The following CD226 variants were observed in gnomAD, a reference collection of about 807,000 sequenced individuals.
CD226 encodes the protein CD226 molecule.
Under a neutral mutation model 34.9 loss-of-function variants are expected in CD226, and 24 were observed. The ratio of observed to expected loss-of-function variants is 0.69; its 90% confidence interval spans 0.50 to 0.97. CD226 has a LOEUF of 0.97. Among genes scored for constraint, CD226 ranks in the 50% least tolerant of loss-of-function variants. CD226 has a pLI of 0.00. For synonymous variants in CD226, 148 were observed against 147.4 expected, an observed-to-expected ratio of 1.00 and a Z score of -0.03; for missense variants, 397 against 412.7, an observed-to-expected ratio of 0.96 and a Z score of 0.33.
chr18:69,906,116 G>A (rs2055249770), intron 2 of CD226, among the ~76,000 whole-genome samples: 1 of 152,052 alleles, frequency 6.6e-6, no homozygotes. Flanking sequence ...GAACAAATAA[G>A]TACCATTTGT....
chr18:69,957,460 T>C (rs1323220445), upstream of CD226, among the ~76,000 whole-genome samples: 1 of 151,984 alleles, frequency 6.6e-6, no homozygotes, highest in African/African-American at 2.4e-5. Flanking sequence ...AAACACTAGG[T>C]TTTTTGCTGC....
At chr18:69,881,146 C>G (rs1052823846) in intron 3 of CD226, among the ~76,000 whole-genome samples, 2 of 152,274 alleles carry the variant, frequency 1.3e-5, no homozygotes, top group East Asian at 3.9e-4. Context: ...CCAAAATATG[C>G]ACAAATATTA....
intron 2 of CD226, among the ~76,000 whole-genome samples, chr18:69,919,110 G>A (rs1305632966): frequency 1.3e-5 from 2 of 152,332 alleles, no homozygotes; most frequent in African/African-American, 2.4e-5. Context: ...ATGGCAAACT[G>A]AGAAAAAGGT....
At chr18:69,894,068 A>C (rs1985061819) in intron 3 of CD226, among the ~76,000 whole-genome samples, 1 of 151,702 alleles carries the variant, frequency 6.6e-6, no homozygotes, top group East Asian at 2.0e-4. Context: ...GGGAGAAGGG[A>C]AGGAAGAAAA....
chr18:69,943,705 G>A (rs973004948), intron 2 of CD226, among the ~76,000 whole-genome samples: 1 of 152,148 alleles, frequency 6.6e-6, no homozygotes, highest in East Asian at 1.9e-4. Flanking sequence ...TGGGACATAC[G>A]TGAAACTTAG....
intron 1 of CD226, chr18:69,956,485 A>G (rs2055898241): frequency 6.6e-6 from 1 of 152,238 alleles, no homozygotes; most frequent in South Asian, 2.1e-4. Context: ...CAAGAACTTT[A>G]CGATCAGATC....
chr18:69,946,364 G>T (rs373040723), intron 2 of CD226, among the ~76,000 whole-genome samples: 9 of 152,052 alleles, frequency 5.9e-5, no homozygotes, highest in African/African-American at 1.9e-4. Flanking sequence ...GGGTGCTGGA[G>T]TGTCCAGCAG....
rs755515721 is a variant in CD226 at position 69,925,751 on chromosome 18, G to A, written c.382+20983C>T. ...CGCTCCCATATGAACGACAGTCCAC[G>A]ATACCATCAATCTGATCTCTCTCTC... On this transcript the variant is annotated intron_variant, in intron 2 of 5. Transcript: ENST00000582621. 4.6e-5 allele frequency among the ~76,000 whole-genome samples: 7 copies of A among 152,126 alleles called. No individual in the cohort carries two copies. The South Asian group carries it at 1.2e-3, about 27-fold the overall frequency.
At chr18:69,929,893 T>A (rs1020853157) in intron 2 of CD226, among the ~76,000 whole-genome samples, 2 of 152,288 alleles carry the variant, frequency 1.3e-5, no homozygotes, top group Admixed American at 6.5e-5. Flanking sequence ...TCTCTCTCTG[T>A]CTCTGTGTGT....
chr18:69,905,885 C>T (rs949816591), intron 2 of CD226, among the ~76,000 whole-genome samples: 11 of 152,150 alleles, frequency 7.2e-5, no homozygotes, highest in Non-Finnish European at 1.2e-4. Context: ...ACGGTGCTCA[C>T]CAAGGTCTGT....
chr18:69,924,633 A>G (rs887076443), intron 2 of CD226, among the ~76,000 whole-genome samples: 14 of 135,038 alleles, frequency 1.0e-4, no homozygotes, highest in African/African-American at 3.6e-4. Flanking sequence ...TGCTTCAAAT[A>G]AAACCCCTTA....
chr18:69,896,182 T>TTG, intron 2 of CD226, 137 bp from the exon 3 acceptor site: 1 of 848,050 alleles, frequency 1.2e-6, no homozygotes, highest in Non-Finnish European at 1.4e-6. Context: ...TTTATACTAC[T>TTG]TTTTTTTTTT....
intron 2 of CD226, among the ~76,000 whole-genome samples, chr18:69,896,612 T>C (rs185205953): frequency 7.4e-4 from 113 of 152,324 alleles, no homozygotes; most frequent in African/African-American, 2.5e-3. Flanking sequence ...TGGTTAACCA[T>C]GTAGTGAGAA....
chr18:69,935,617 G>A (rs2055643147), intron 2 of CD226, among the ~76,000 whole-genome samples: 1 of 152,228 alleles, frequency 6.6e-6, no homozygotes, highest in Admixed American at 6.5e-5. Flanking sequence ...GTTGTGGTTG[G>A]CAGCCGCCTT....
At position 69,855,187 on chromosome 18, in the gene CD226, T is replaced by C. The variant is rs559174761; in HGVS notation, c.*9127A>G. 7 of 152,004 alleles carry C rather than the reference T, an allele frequency of 4.6e-5. No homozygotes were observed. The highest frequency in any genetic ancestry group is 3.9e-4 in the Admixed American group (6 of 15,260). 9.4% of individuals were successfully genotyped at this position (152,004 alleles called of 1,614,324 possible). On this transcript the variant is annotated 3_prime_UTR_variant, in exon 6 of 6. Coordinates refer to ENST00000582621, the MANE Select transcript of CD226 (RefSeq NM_001303618.2). ...ATGGTCTGAAGAGATAAAGCAATCA[T>C]TGGAACCAGATAGAGACATGACACG...
At chr18:69,937,209 GATCA>G (rs2055665410) in intron 2 of CD226, among the ~76,000 whole-genome samples, 3 of 152,168 alleles carry the variant, frequency 2.0e-5, no homozygotes, top group Admixed American at 1.3e-4. Context: ...TTAATTTGTT[GATCA>G]ATTCTATGTG....
Position 69,860,282 on chromosome 18 carries a change from G to A in CD226, c.*4032C>T, listed in dbSNP as rs891074654. On this transcript the variant is annotated 3_prime_UTR_variant, in exon 6 of 6. Transcript: ENST00000582621. ...CAAAACAACAGAATACAAGACAAAG[G>A]AAAATATTTCTATACCCTACAAGAA... The A allele has an allele frequency of 6.6e-6, 1 of 152,070 alleles. No homozygotes were observed. The highest frequency in any genetic ancestry group is 1.5e-5 in the Non-Finnish European group (1 of 68,000). 9.4% of individuals were successfully genotyped at this position (152,070 alleles called of 1,614,324 possible).
At chr18:69,958,665 G>A (rs1306855227), upstream of CD226, among the ~76,000 whole-genome samples, 1 of 152,000 alleles carries the variant, frequency 6.6e-6, no homozygotes, top group Non-Finnish European at 1.5e-5. Flanking sequence ...CATACCTACA[G>A]GGACCTAGCT....
intron 2 of CD226, among the ~76,000 whole-genome samples, chr18:69,912,658 G>A (rs1199387377): frequency 1.3e-5 from 2 of 152,198 alleles, no homozygotes; most frequent in African/African-American, 4.8e-5. Context: ...TAATAATCTA[G>A]TCTTTAGGTC....
Sources: gnomAD v4.1 joint callset for allele counts (sites outside exome capture counted in the v4.1 genomes callset) on GRCh38, gnomAD v4.1.1 for gene constraint, MANE v1.5 for transcripts, NCBI Gene and HGNC (gene_info 2026-07-23, HGNC 2026-07-21) for gene names.